The following SCN8A variants were observed in gnomAD, a reference collection of about 807,000 sequenced individuals.
The protein encoded by SCN8A is sodium voltage-gated channel alpha subunit 8, also known as sodium channel protein type 8 subunit alpha.
A neutral mutation model predicts 184.1 loss-of-function variants in SCN8A; 30 were observed. The observed-to-expected ratio is 0.16, with a 90% CI of 0.12 to 0.22. SCN8A has a LOEUF of 0.22. SCN8A is among the 10% of genes least tolerant of loss of function. The probability of loss-of-function intolerance (pLI) is 1.00; values close to 1 mark genes in which losing one functional copy is unlikely to be tolerated. For missense variants in SCN8A, 1,057 were observed against 2,498.9 expected, an observed-to-expected ratio of 0.42 and a Z score of 12.30; for synonymous variants, 852 against 907.0, an observed-to-expected ratio of 0.94 and a Z score of 1.09.
chr12:51,618,048 G>A (rs1176675046), intron 1 of SCN8A, among the ~76,000 whole-genome samples: 1 of 152,142 alleles, frequency 6.6e-6, no homozygotes, highest in Non-Finnish European at 1.5e-5. Flanking sequence ...CAGATCTGAA[G>A]GGTTTCCCAT....
chr12:51,772,488 T>C (rs1349777840), intron 19 of SCN8A, among the ~76,000 whole-genome samples: 1 of 151,616 alleles, frequency 6.6e-6, no homozygotes, highest in Non-Finnish European at 1.5e-5. Context: ...AGGGTGGGGA[T>C]TAGGGCCCTC....
chr12:51,771,962 A>G (rs2138874113), intron 19 of SCN8A, among the ~76,000 whole-genome samples: 1 of 152,384 alleles, frequency 6.6e-6, no homozygotes, highest in South Asian at 2.1e-4. Context: ...TCTACAAAAA[A>G]GAATAAAGCA....
chr12:51,785,012 T>C (rs1170842997), intron 21 of SCN8A, among the ~76,000 whole-genome samples: 1 of 152,220 alleles, frequency 6.6e-6, no homozygotes, highest in African/African-American at 2.4e-5. Flanking sequence ...TGCTGTCACA[T>C]AGACTTGAGC....
intron 1 of SCN8A, among the ~76,000 whole-genome samples, chr12:51,639,293 T>C (rs1310118870): frequency 2.0e-5 from 3 of 152,220 alleles, no homozygotes; most frequent in Non-Finnish European, 2.9e-5. Context: ...AGATGGAATC[T>C]CCTCCTGGTG....
chr12:51,693,636 G>A (rs1030169996), intron 6 of SCN8A, among the ~76,000 whole-genome samples: 1 of 152,120 alleles, frequency 6.6e-6, no homozygotes, highest in Non-Finnish European at 1.5e-5. Context: ...AGCATAGTGC[G>A]ATCTTGTCTC....
Position 51,770,557 on chromosome 12 carries a change from G to C in SCN8A, c.3519G>C (p.Gln1173His), listed in dbSNP as rs1942909989. Residue 1173 changes from glutamine to histidine, a missense_variant, in exon 19 of 27, where the codon CAG becomes CAC. Physicochemically the swap from Gln to His is conservative, Grantham distance 24. This residue lies in a region of SCN8A where 178 missense variants were observed against 259.6 expected (regional missense o/e 0.69). Transcript: ENST00000627620. ...EGCVQRFKCC[Q>H]VNIEEGLGKS... ...GTGTCCAGCGGTTCAAGTGCTGCCA[G>C]GTCAACATCGAGGAAGGGCTAGGCA... 6.2e-7 allele frequency: 1 copy of C among 1,611,950 alleles called. No homozygotes were observed. The highest frequency in any genetic ancestry group is 8.5e-7 in the Non-Finnish European group (1 of 1,178,910).
intron 12 of SCN8A, among the ~76,000 whole-genome samples, chr12:51,730,251 A>G (rs1042293129): frequency 6.6e-6 from 1 of 152,190 alleles, no homozygotes; most frequent in Non-Finnish European, 1.5e-5. Flanking sequence ...ACCTGGATAG[A>G]TATCCAGTCT....
chr12:51,774,565 GACTAACCA>G (rs1315361978), intron 20 of SCN8A, among the ~76,000 whole-genome samples: 3 of 152,198 alleles, frequency 2.0e-5, no homozygotes, highest in African/African-American at 7.2e-5. Flanking sequence ...GCTCCAGGGG[GACTAACCA>G]ACCAACTCTT....
chr12:51,688,642 C>G, intron 5 of SCN8A: 1 of 708,074 alleles, frequency 1.4e-6, no homozygotes, highest in Non-Finnish European at 2.5e-6. Flanking sequence ...TGAAGCTTTT[C>G]TTTTTCAAGG....
At chr12:51,775,110 T>C (rs950844967) in intron 20 of SCN8A, among the ~76,000 whole-genome samples, 5 of 152,224 alleles carry the variant, frequency 3.3e-5, no homozygotes, top group African/African-American at 4.8e-5. Context: ...TTCTATGTAA[T>C]AACTAAAGCT....
Position 51,807,559 on chromosome 12 carries a change from T to A in SCN8A, c.*130T>A. The A allele has an allele frequency of 9.9e-7, 1 of 1,007,512 alleles. No individual in the cohort carries two copies. The highest frequency in any genetic ancestry group is 1.5e-5 in the South Asian group (1 of 67,664). 62.4% of individuals were successfully genotyped at this position (1,007,512 alleles called of 1,614,324 possible). The stretch of plus-strand genomic sequence containing the variant: ...ACCTGAAGATCTATACCAAACGTCG[T>A]CTGCTTACCACGTAACACAGCTGCA... On this transcript the variant is annotated 3_prime_UTR_variant, in exon 27 of 27. Transcript: ENST00000627620. The surrounding 1 kb of genome is among the most constrained non-coding windows in gnomAD (Gnocchi z 4.5).
intron 3 of SCN8A, among the ~76,000 whole-genome samples, chr12:51,685,284 GA>G (rs558202339): frequency 6.6e-6 from 1 of 151,078 alleles, no homozygotes; most frequent in African/African-American, 2.4e-5. Context: ...CTGTAATGAA[GA>G]AAAAAAAATC....
At chr12:51,613,778 T>C (rs1939773777) in intron 1 of SCN8A, among the ~76,000 whole-genome samples, 1 of 152,158 alleles carries the variant, frequency 6.6e-6, no homozygotes, top group African/African-American at 2.4e-5. Context: ...TTTTGATATG[T>C]TGATTTTTGT....
intron 12 of SCN8A, among the ~76,000 whole-genome samples, chr12:51,744,069 AG>A (rs1339342726): frequency 6.6e-6 from 1 of 152,226 alleles, no homozygotes; most frequent in Non-Finnish European, 1.5e-5. Context: ...TGGAAGGCTG[AG>A]GTGGGAGGAT....
rs146982102 is a variant in SCN8A at position 51,745,977 on chromosome 12, C to T, written c.2073C>T (p.Tyr691=). The T allele has an allele frequency of 2.8e-5, 45 of 1,611,216 alleles. No homozygotes were observed. The highest frequency in any genetic ancestry group is 3.3e-4 in the Middle Eastern group (2 of 6,072). The change falls in exon 13 of 27, where the codon TAC becomes TAT. Residue 691 remains tyrosine (Y), a synonymous_variant. Coordinates refer to ENST00000627620, the MANE Select transcript of SCN8A (RefSeq NM_001330260.2). ...LLVSMDQLAS[Y]GRKDRINSIM... The stretch of plus-strand genomic sequence containing the variant: ...TTTCCATGGACCAATTAGCCTCCTA[C>T]GGGCGGAAGGACAGAATCAACAGTA...
chr12:51,686,873 GACC>G (rs1941428753), intron 4 of SCN8A, among the ~76,000 whole-genome samples: 5 of 152,166 alleles, frequency 3.3e-5, no homozygotes, highest in Admixed American at 3.3e-4. Flanking sequence ...TACAGTTCAG[GACC>G]CAGTACAACA....
intron 1 of SCN8A, among the ~76,000 whole-genome samples, chr12:51,633,723 T>G (rs1453494505): frequency 6.6e-6 from 1 of 152,180 alleles, no homozygotes; most frequent in African/African-American, 2.4e-5. Context: ...ACGTCCTGGT[T>G]GCTGGTCATT....
chr12:51,746,073 T>C (rs1942507645), intron 13 of SCN8A, 38 bp downstream of exon 13: 2 of 1,551,060 alleles, frequency 1.3e-6, no homozygotes, highest in East Asian at 2.3e-5. Flanking sequence ...CGCTGAGATA[T>C]AAATATGTAA....
rs777656500 is a variant in SCN8A, at chr12:51,624,456, GTTGT to G, written c.-55+33104_-55+33107del. The stretch of plus-strand genomic sequence containing the variant: ...TATCCTTCGCCCACTTTTTGATGGG[GTTGT>G]TTGTTTTTTTCTTGTAAATTTGTTT... On this transcript the variant is annotated intron_variant, in intron 1 of 26. Transcript: ENST00000627620. 1.2e-4 allele frequency among the ~76,000 whole-genome samples: 18 copies of G among 152,070 alleles called. No homozygotes were observed. The East Asian group carries it at 1.7e-3, about 15-fold the overall frequency.
Sources: allele counts gnomAD v4.1 joint callset (sites outside exome capture counted in the v4.1 genomes callset), GRCh38; gene constraint gnomAD v4.1.1; regional missense constraint gnomAD v4.1.1; non-coding constraint Gnocchi (gnomAD v3.1); transcripts MANE v1.5; gene names NCBI Gene and HGNC (gene_info 2026-07-23, HGNC 2026-07-21).